The following TANGO6 variants were observed in gnomAD, a reference collection of about 807,000 sequenced individuals.
TANGO6 encodes transport and golgi organization 6 homolog, also known as transport and Golgi organization protein 6 homolog.
A neutral mutation model predicts 114.2 loss-of-function variants in TANGO6; 90 were observed. The observed-to-expected ratio is 0.79, with a 90% CI of 0.66 to 0.94. TANGO6 has a LOEUF of 0.94. TANGO6 is among the 40% of genes least tolerant of loss of function. The probability of loss-of-function intolerance (pLI) is 0.00; values close to 1 mark genes in which losing one functional copy is unlikely to be tolerated. For missense variants in TANGO6, 1,274 were observed against 1,315.3 expected, an observed-to-expected ratio of 0.97 and a Z score of 0.49; for synonymous variants, 477 against 509.8, an observed-to-expected ratio of 0.94 and a Z score of 0.87.
chr16:69,023,148 T>C (rs1959441084), intron 16 of TANGO6, among the ~76,000 whole-genome samples, 169 bp downstream of exon 16: 1 of 151,944 alleles, frequency 6.6e-6, no homozygotes, highest in South Asian at 2.1e-4. Context: ...CTGTCTCACA[T>C]GTATATTGAA....
chr16:68,862,307 C>T lies in TANGO6; in HGVS notation c.736-638C>T, dbSNP rs115363449. Among the ~76,000 whole-genome samples the T allele has an allele frequency of 7.0e-3, 1,060 of 152,194 alleles. 11 individuals carry two copies. The highest frequency in any genetic ancestry group is 0.024 in the African/African-American group (1,007 of 41,526). ...TTGACTCACTGTAACCTCCGCCTCC[C>T]GGGTTCAGCTTCCTTAGTAGCTGGG... On this transcript the variant is annotated intron_variant, in intron 2 of 17. Coordinates refer to ENST00000261778, the MANE Select transcript of TANGO6 (RefSeq NM_024562.2).
intron 1 of TANGO6, among the ~76,000 whole-genome samples, chr16:68,848,575 C>T (rs1961851956): frequency 6.6e-6 from 1 of 151,806 alleles, no homozygotes; most frequent in South Asian, 2.1e-4. Flanking sequence ...TACCTCTAAC[C>T]CTATCACCCA....
chr16:68,904,998 G>A (rs1053239162), intron 9 of TANGO6, among the ~76,000 whole-genome samples: 17 of 152,088 alleles, frequency 1.1e-4, no homozygotes, highest in Admixed American at 9.8e-4. Flanking sequence ...CGAGACGGGC[G>A]GATCACCTGA....
intron 14 of TANGO6, among the ~76,000 whole-genome samples, chr16:68,971,250 G>A (rs1963701993): frequency 6.6e-6 from 1 of 151,844 alleles, no homozygotes; most frequent in Non-Finnish European, 1.5e-5. Context: ...AATTGCAGTT[G>A]TGGAGGTCTT....
At chr16:69,040,453 C>G (rs1275052459) in intron 17 of TANGO6, 32 bp downstream of exon 17, 1 of 1,520,620 alleles carries the variant, frequency 6.6e-7, no homozygotes, top group East Asian at 2.4e-5. Context: ...TGCAATTTCT[C>G]CACCTCTTTT....
rs1306938524 is a variant in TANGO6, at chr16:68,909,253, AC to A, written c.1844del (p.Thr615MetfsTer12). On this transcript the variant is annotated frameshift_variant, in exon 11 of 18. Transcript: ENST00000261778. LOFTEE classifies it high-confidence loss of function. ...VASENETELK[T>X]EPFSSKSLLE... ...CTCGGAAAATGAAACAGAGTTAAAA[AC>A]TGAGCCCTTCTCCAGCAAGAGCCTC... is the stretch of plus-strand genomic sequence containing the variant. The A allele has an allele frequency of 1.2e-6, 2 of 1,604,294 alleles. No individual in the cohort carries two copies. The highest frequency in any genetic ancestry group is 8.5e-7 in the Non-Finnish European group (1 of 1,175,248).
intron 12 of TANGO6, among the ~76,000 whole-genome samples, chr16:68,922,165 C>A (rs1393826383): frequency 2.0e-5 from 3 of 151,128 alleles, no homozygotes; most frequent in African/African-American, 7.3e-5. Flanking sequence ...ATTATTAGAA[C>A]ATTGTGTCTG....
At chr16:68,978,318 A>T (rs1013659386) in intron 15 of TANGO6, among the ~76,000 whole-genome samples, 3 of 152,204 alleles carry the variant, frequency 2.0e-5, no homozygotes, top group Admixed American at 1.3e-4. Flanking sequence ...GAAAGGCTGG[A>T]TAGAGTTGAG....
chr16:68,861,110 A>T (rs1962085747), intron 2 of TANGO6, among the ~76,000 whole-genome samples: 2 of 152,162 alleles, frequency 1.3e-5, no homozygotes, highest in African/African-American at 4.8e-5. Flanking sequence ...GATCATAGAC[A>T]CATAAGACAT....
chr16:68,926,995 C>T (rs190928756), intron 12 of TANGO6: 1 of 155,014 alleles, frequency 6.5e-6, no homozygotes, highest in East Asian at 1.9e-4. Context: ...TGACATTATT[C>T]AGACAAAGCT....
chr16:69,084,452 C>T lies in TANGO6; in HGVS notation c.*791C>T, dbSNP rs1960510309. The stretch of plus-strand genomic sequence containing the variant: ...GAGAGTTTACATCCTGCCTTCTGTC[C>T]TCTGCTCCTTCAGAAAGATGAATGC... On this transcript the variant is annotated 3_prime_UTR_variant, in exon 18 of 18. Coordinates refer to ENST00000261778, the MANE Select transcript of TANGO6 (RefSeq NM_024562.2). 6.6e-6 allele frequency: 1 copy of T among 152,328 alleles called. No individual in the cohort carries two copies. The highest frequency in any genetic ancestry group is 1.5e-5 in the Non-Finnish European group (1 of 68,042). 9.4% of individuals were successfully genotyped at this position (152,328 alleles called of 1,614,324 possible).
At chr16:68,991,076 T>C (rs1597050088) in intron 15 of TANGO6, among the ~76,000 whole-genome samples, 1 of 152,012 alleles carries the variant, frequency 6.6e-6, no homozygotes, top group African/African-American at 2.4e-5. Flanking sequence ...AGAAGTGGGA[T>C]GTATATGGTG....
chr16:69,044,037 C>G (rs895422537), intron 17 of TANGO6, among the ~76,000 whole-genome samples: 1 of 152,172 alleles, frequency 6.6e-6, no homozygotes, highest in Admixed American at 6.5e-5. Context: ...GTGCAGCCAA[C>G]ACAATATCCA....
At position 69,040,356 on chromosome 16, in the gene TANGO6, G is replaced by A. The variant is rs1959753282; in HGVS notation, c.3043G>A (p.Val1015Ile). ...GGCCAAAACAGATGGTGAAGTTCAA[G>A]TACGCAGAGCTGCCATACATGTGGT... ...AVAKTDGEVQ[V>I]RRAAIHVVVL... Residue 1015 changes from valine to isoleucine, a missense_variant, in exon 17 of 18, where the codon GTA (valine) becomes ATA (isoleucine). Around this residue, in one of 5 missense-constraint regions of TANGO6, gnomAD observed 238 missense variants for 252.9 expected, o/e 0.94. Coordinates refer to ENST00000261778, the MANE Select transcript of TANGO6 (RefSeq NM_024562.2). The A allele has an allele frequency of 1.2e-6, 2 of 1,609,546 alleles. No individual in the cohort carries two copies. Among genetic ancestry groups the A allele is most frequent in the East Asian group, 2.2e-5 (1 of 44,800 alleles).
intron 6 of TANGO6, among the ~76,000 whole-genome samples, chr16:68,880,105 T>G (rs1380964309): frequency 6.6e-6 from 1 of 152,120 alleles, no homozygotes; most frequent in Non-Finnish European, 1.5e-5. Flanking sequence ...CGTGAGTAGC[T>G]GGGACTACAG....
intron 7 of TANGO6, among the ~76,000 whole-genome samples, chr16:68,898,686 GT>G (rs1273151130): frequency 6.6e-6 from 1 of 151,936 alleles, no homozygotes; most frequent in Non-Finnish European, 1.5e-5. Context: ...TTGTGAGATT[GT>G]TATAATTTTA....
rs200107195 is a variant in TANGO6, at chr16:69,022,968, G to A, written c.2983G>A (p.Val995Met). 125 of 1,597,156 alleles carry A rather than the reference G, an allele frequency of 7.8e-5. No homozygotes were observed. The highest frequency in any genetic ancestry group is 1.0e-4 in the South Asian group (9 of 87,702). The change falls in exon 16 of 18, where the codon GTG becomes ATG. Residue 995 changes from valine (V) to methionine (M), a missense_variant. This residue lies in a region of TANGO6 where 238 missense variants were observed against 252.9 expected (regional missense o/e 0.94). Transcript: ENST00000261778. ...CQRLDFLLGS[V>M]VHEVTACLIA... The stretch of plus-strand genomic sequence containing the variant: ...GAGGCTGGACTTTCTGCTGGGCTCC[G>A]TGGTCCATGAGGTACTGTATTTTGA...
intron 11 of TANGO6, among the ~76,000 whole-genome samples, chr16:68,916,135 A>G (rs1157378258): frequency 6.6e-6 from 1 of 152,152 alleles, no homozygotes; most frequent in African/African-American, 2.4e-5. Context: ...GAACAGTCTT[A>G]ATCCTTTCAA....
At chr16:68,993,286 T>C (rs1963961382) in intron 15 of TANGO6, among the ~76,000 whole-genome samples, 1 of 152,216 alleles carries the variant, frequency 6.6e-6, no homozygotes, top group Non-Finnish European at 1.5e-5. Context: ...GTTATTTTTA[T>C]TTTCAGTGTC....
Sources: allele counts gnomAD v4.1 joint callset (sites outside exome capture counted in the v4.1 genomes callset), GRCh38; gene constraint gnomAD v4.1.1; regional missense constraint gnomAD v4.1.1; transcripts MANE v1.5; gene names NCBI Gene and HGNC (gene_info 2026-07-23, HGNC 2026-07-21).